Variants in TRIT1 observed in about 807,000 individuals in gnomAD.
TRIT1 encodes tRNA isopentenyltransferase 1.
A neutral mutation model predicts 51.2 loss-of-function variants in TRIT1; 43 were observed. That is an observed-to-expected ratio of 0.84 (90% CI 0.66 to 1.08). The LOEUF is 1.08. Among genes scored for constraint, TRIT1 ranks in the 50% least tolerant of loss-of-function variants. TRIT1 has a pLI of 0.00. For missense variants in TRIT1, 528 were observed against 578.4 expected (o/e 0.91, Z 0.89); for synonymous variants, 184 against 203.9 (o/e 0.90, Z 0.83).
At chr1:39,881,701 C>T (rs74067827) in intron 1 of TRIT1, 16,613 of 152,126 alleles carry the variant, frequency 0.11, 1,524 homozygotes, top group African/African-American at 0.25. Context: ...CTTTAATAAG[C>T]TTTTTCTTCT....
intron 8 of TRIT1, 48 bp from the exon 9 acceptor site, chr1:39,844,688 C>G: frequency 2.2e-6 from 3 of 1,355,358 alleles, no homozygotes; most frequent in Non-Finnish European, 3.2e-6. Context: ...CAAACCCAAT[C>G]TATTCTGCAG....
chr1:39,846,690 G>C (rs1293631222), intron 8 of TRIT1, among the ~76,000 whole-genome samples: 2 of 152,148 alleles, frequency 1.3e-5, no homozygotes, highest in African/African-American at 2.4e-5. Flanking sequence ...CAAATTTAGT[G>C]CCAAAGACAC....
At chr1:39,863,681 C>A in intron 1 of TRIT1, among the ~76,000 whole-genome samples, 1 of 150,308 alleles carries the variant, frequency 6.7e-6, no homozygotes, top group Non-Finnish European at 1.5e-5. Flanking sequence ...CTGAAATAAC[C>A]TGAACTCTCC....
In TRIT1 at chr1:39,847,654, G is replaced by A; in HGVS notation, c.822C>T (p.Asp274=). The A allele has an allele frequency of 6.2e-7, 1 of 1,614,178 alleles. No individual in the cohort carries two copies. Among genetic ancestry groups the A allele is most frequent in the East Asian group, 2.2e-5 (1 of 44,884 alleles). ...TTGATTGGAAGATACCATGTTGATA[G>A]TCCTGGCTGGGAACAGGAGGGTATC... ...NQKNVSENSQ[D]YQHGIFQSIG... The change falls in exon 7 of 11, where the codon GAC becomes GAT. Residue 274 remains aspartate (D), a synonymous_variant. Transcript: ENST00000316891.
chr1:39,855,943 C>T (rs1327419680), intron 2 of TRIT1, among the ~76,000 whole-genome samples: 4 of 151,730 alleles, frequency 2.6e-5, no homozygotes, highest in South Asian at 2.1e-4. Flanking sequence ...TTTGGGAGGC[C>T]GAGGCAGTAG....
intron 6 of TRIT1, 126 bp downstream of exon 6, chr1:39,847,860 G>T: frequency 7.3e-7 from 1 of 1,362,496 alleles, no homozygotes; most frequent in South Asian, 1.4e-5. Flanking sequence ...CTGTCTGAAA[G>T]ATTAAAAAAC....
In TRIT1 at chr1:39,840,372, C is replaced by T. The variant is rs1219010374; in HGVS notation, c.*1372G>A. ...CTTCTCCTCTATGAAGTCTTATATG[C>T]ATAGGAAACAAAACATTTATCAAGA... On this transcript the variant is annotated 3_prime_UTR_variant, in exon 11 of 11. Coordinates refer to ENST00000316891, the MANE Select transcript of TRIT1 (RefSeq NM_017646.6). Among the ~76,000 whole-genome samples, 2 of 152,198 alleles carry T rather than the reference C, an allele frequency of 1.3e-5. No individual in the cohort carries two copies. The highest frequency in any genetic ancestry group is 4.8e-5 in the African/African-American group (2 of 41,432).
chr1:39,852,417 A>G (rs569056198), intron 4 of TRIT1: 1 of 247,214 alleles, frequency 4.0e-6, no homozygotes, highest in Admixed American at 5.3e-5. Flanking sequence ...AACAAACTGC[A>G]TGCCAGAAAA....
intron 2 of TRIT1, 123 bp downstream of exon 2, chr1:39,857,154 T>A: frequency 9.3e-7 from 1 of 1,072,890 alleles, no homozygotes; most frequent in Middle Eastern, 3.2e-4. Context: ...GGGGATGGCA[T>A]CCATCAGTAT....
At chr1:39,880,766 T>G (rs1007953582) in intron 1 of TRIT1, among the ~76,000 whole-genome samples, 2 of 150,394 alleles carry the variant, frequency 1.3e-5, no homozygotes, top group African/African-American at 4.9e-5. Context: ...GCCACTGCAC[T>G]CCAGCCTGGG....
At position 39,838,174 on chromosome 1, in the gene TRIT1, G is replaced by A. The variant is rs189619807; in HGVS notation, c.*3570C>T. On this transcript the variant is annotated 3_prime_UTR_variant, in exon 11 of 11. Coordinates refer to ENST00000316891, the MANE Select transcript of TRIT1 (RefSeq NM_017646.6). Reference sequence around the variant, plus strand: ...GCAGCTTCCTTTGTAAGCATTCAGAGTAGCTTTACAAATAACCAGTTAGCC... The same window carrying A: ...GCAGCTTCCTTTGTAAGCATTCAGAATAGCTTTACAAATAACCAGTTAGCC... 3.8e-4 allele frequency among the ~76,000 whole-genome samples: 58 copies of A among 152,344 alleles called. No homozygotes were observed. The highest frequency in any genetic ancestry group is 1.4e-3 in the African/African-American group (58 of 41,588).
chr1:39,872,780 C>G (rs576544854), intron 1 of TRIT1, among the ~76,000 whole-genome samples: 250 of 106,154 alleles, frequency 2.4e-3, no homozygotes, highest in Non-Finnish European at 2.8e-3. Context: ...CACACACACA[C>G]AGAGAGAGAG....
Position 39,847,564 on chromosome 1 carries a change from G to T in TRIT1, c.912C>A (p.Asn304Lys), listed in dbSNP as rs778548439. The T allele has an allele frequency of 3.7e-6, 6 of 1,614,180 alleles. No individual in the cohort carries two copies. Among genetic ancestry groups the T allele is most frequent in the Non-Finnish European group, 5.1e-6 (6 of 1,180,020 alleles). ...AATTCACACCTTTCTTTAGAAGCTGGTTACTAGTCTCCAGTGTGCATTTTC... is the reference window on the plus strand; with the variant it reads ...AATTCACACCTTTCTTTAGAAGCTGTTTACTAGTCTCCAGTGTGCATTTTC... ...TEGKCTLETS[N>K]QLLKKGIEAL... The change falls in exon 7 of 11, where the codon AAC becomes AAA. Residue 304 changes from asparagine (N) to lysine (K), a missense_variant. Physicochemically the swap from Asn to Lys is moderately conservative, Grantham distance 94. Coordinates refer to ENST00000316891, the MANE Select transcript of TRIT1 (RefSeq NM_017646.6).
intron 1 of TRIT1, among the ~76,000 whole-genome samples, chr1:39,869,980 T>G (rs890463523): frequency 4.6e-5 from 7 of 151,934 alleles, no homozygotes; most frequent in Non-Finnish European, 8.8e-5. Context: ...GGGGGGCCCC[T>G]CTCTCCGGCC....
chr1:39,842,977 G>T (rs1455063435), intron 10 of TRIT1, among the ~76,000 whole-genome samples: 1 of 152,098 alleles, frequency 6.6e-6, no homozygotes, highest in Non-Finnish European at 1.5e-5. Flanking sequence ...GCTCACAAAG[G>T]CTCACACATG....
intron 1 of TRIT1, among the ~76,000 whole-genome samples, chr1:39,861,652 G>A (rs1202374883): frequency 2.0e-5 from 3 of 152,120 alleles, no homozygotes; most frequent in Admixed American, 6.6e-5. Context: ...TTGGCCGGGC[G>A]GTGGGTCGTG....
At position 39,883,236 on chromosome 1, in the gene TRIT1, T is replaced by G. The variant is rs376452899; in HGVS notation, c.174+82A>C. ...CCCTCCGCCCCTACAAGCCTCGGGGTTCACCCTTTAAGACCTTTGCCACAG... is the reference window on the plus strand; with the variant it reads ...CCCTCCGCCCCTACAAGCCTCGGGGGTCACCCTTTAAGACCTTTGCCACAG... On this transcript the variant is annotated intron_variant, in intron 1 of 10. Coordinates refer to ENST00000316891, the MANE Select transcript of TRIT1 (RefSeq NM_017646.6). The G allele has an allele frequency of 1.4e-5, 21 of 1,462,040 alleles. No individual in the cohort carries two copies. In the South Asian group the frequency reaches 2.4e-4, roughly 17 times the overall value. The allele number at this position is 1,462,040 out of a possible 1,614,324, so 90.6% of individuals were successfully genotyped here.
chr1:39,867,425 G>A (rs1643616208), intron 1 of TRIT1, among the ~76,000 whole-genome samples: 1 of 152,206 alleles, frequency 6.6e-6, no homozygotes, highest in Admixed American at 6.5e-5. Flanking sequence ...GATTACAGGG[G>A]TGAGCCACTG....
rs896899350 is a variant in TRIT1 at position 39,838,716 on chromosome 1, G to C, written c.*3028C>G. On this transcript the variant is annotated 3_prime_UTR_variant, in exon 11 of 11. Transcript: ENST00000316891. ...GGGTCTCACCATGTTGCCTAGGCTG[G>C]TCTCAAACTCCTAGGCTTGAGTGAT... 6.6e-6 allele frequency among the ~76,000 whole-genome samples: 1 copy of C among 152,154 alleles called. No homozygotes were observed. The highest frequency in any genetic ancestry group is 1.5e-5 in the Non-Finnish European group (1 of 68,024).
Sources: gnomAD v4.1 joint callset for allele counts (sites outside exome capture counted in the v4.1 genomes callset) on GRCh38, gnomAD v4.1.1 for gene constraint, MANE v1.5 for transcripts, NCBI Gene and HGNC (gene_info 2026-07-23, HGNC 2026-07-21) for gene names.